The following DAB1 variants were observed in gnomAD, a reference collection of about 807,000 sequenced individuals.
DAB1 encodes the protein disabled homolog 1.
Under a neutral mutation model 64.6 loss-of-function variants are expected in DAB1, and 15 were observed. The observed-to-expected ratio is 0.23, with a 90% CI of 0.16 to 0.36. The LOEUF (loss-of-function observed/expected upper bound fraction) is 0.36, where lower values mean the gene tolerates loss of function less well. Ranked by LOEUF, DAB1 falls within the 10% of genes least tolerant of loss-of-function variation. The pLI, the probability that DAB1 is intolerant of heterozygous loss-of-function variation, is 1.00. For synonymous variants in DAB1, 235 were observed against 251.9 expected, an observed-to-expected ratio of 0.93 and a Z score of 0.64; for missense variants, 596 against 706.7, an observed-to-expected ratio of 0.84 and a Z score of 1.78.
chr1:57,917,129 T>G (rs542547317), intron 5 of DAB1, among the ~76,000 whole-genome samples: 1 of 152,262 alleles, frequency 6.6e-6, no homozygotes, highest in East Asian at 1.9e-4. Flanking sequence ...CTCTCTACAC[T>G]TTCTCCTAAA....
intron 3 of DAB1, among the ~76,000 whole-genome samples, chr1:58,443,526 CA>C (rs1569797808): frequency 6.6e-6 from 1 of 152,104 alleles, no homozygotes; most frequent in African/African-American, 2.4e-5. Flanking sequence ...TGGCAAAATC[CA>C]AATAAAGTCT....
intron 5 of DAB1, among the ~76,000 whole-genome samples, chr1:58,115,978 T>TA (rs1264466907): frequency 1.0e-5 from 1 of 97,266 alleles, no homozygotes; most frequent in Non-Finnish European, 1.8e-5. Flanking sequence ...CCCTAAAACT[T>TA]AGAGTATAAA....
chr1:57,735,609 GT>G (rs59456674), intron 6 of DAB1, among the ~76,000 whole-genome samples: 8,905 of 95,126 alleles, frequency 0.094, 288 homozygotes, highest in East Asian at 0.17. Context: ...CTGTTTGCTT[GT>G]TTTTTTTTTT....
At chr1:58,404,750 AG>A (rs1334939886) in intron 3 of DAB1, among the ~76,000 whole-genome samples, 1 of 152,038 alleles carries the variant, frequency 6.6e-6, no homozygotes, top group African/African-American at 2.4e-5. Context: ...TCCACTGTTA[AG>A]TTCCTCATAT....
intron 7 of DAB1, among the ~76,000 whole-genome samples, chr1:57,578,322 G>C (rs1645274252): frequency 6.6e-6 from 1 of 152,214 alleles, no homozygotes; most frequent in Non-Finnish European, 1.5e-5. Context: ...ATGATTCATA[G>C]CCAGGCCAAA....
At chr1:58,209,172 T>C (rs576744908) in intron 4 of DAB1, among the ~76,000 whole-genome samples, 1 of 152,202 alleles carries the variant, frequency 6.6e-6, no homozygotes, top group Admixed American at 6.5e-5. Context: ...CATTATAGAA[T>C]GTGAGCTGGG....
chr1:58,164,711 T>G (rs977621700), intron 4 of DAB1, among the ~76,000 whole-genome samples: 3 of 152,182 alleles, frequency 2.0e-5, no homozygotes, highest in African/African-American at 7.2e-5. Context: ...GCCTTAGGCC[T>G]GGACACTACC....
chr1:57,879,885 A>ACAG (rs1401294034), intron 1 of DAB1, among the ~76,000 whole-genome samples: 23 of 152,268 alleles, frequency 1.5e-4, no homozygotes, highest in Non-Finnish European at 1.5e-5. Context: ...AACGCAGGGA[A>ACAG]CAGCCCTTCT....
In DAB1 at chr1:57,062,923, C is replaced by T; in HGVS notation, c.684G>A (p.Lys228=). 2 of 1,614,140 alleles carry T rather than the reference C, an allele frequency of 1.2e-6. No individual in the cohort carries two copies. The highest frequency in any genetic ancestry group is 1.7e-6 in the Non-Finnish European group (2 of 1,179,982). ...TTTTTGGCACATCATAAACACCTTC[C>T]TTCTTTTGGCTGGTGGGAACCTATG... ...NIYQVPTSQK[K]EGVYDVPKSQ... The change falls in exon 9 of 15, where the codon AAG becomes AAA. Residue 228 remains lysine (K), a synonymous_variant. Transcript: ENST00000371236.
chr1:57,599,325 A>G (rs1645549063), intron 7 of DAB1, among the ~76,000 whole-genome samples: 1 of 151,894 alleles, frequency 6.6e-6, no homozygotes, highest in African/African-American at 2.4e-5. Flanking sequence ...TCTCTCTCTC[A>G]CAACCCTCTG....
intron 4 of DAB1, among the ~76,000 whole-genome samples, chr1:58,244,261 C>T (rs868642941): frequency 2.6e-5 from 4 of 152,262 alleles, no homozygotes; most frequent in Admixed American, 6.5e-5. Context: ...ATAACAATGA[C>T]GACGACTGTA....
At chr1:57,477,338 G>A (rs951076112) in intron 7 of DAB1, among the ~76,000 whole-genome samples, 1 of 152,096 alleles carries the variant, frequency 6.6e-6, no homozygotes, top group African/African-American at 2.4e-5. Context: ...TGTTTATAGT[G>A]TACTCTGATC....
At chr1:58,074,594 A>ATATATATATATATATT (rs1649526356) in intron 5 of DAB1, among the ~76,000 whole-genome samples, 1 of 112,382 alleles carries the variant, frequency 8.9e-6, no homozygotes, top group Admixed American at 1.0e-4. Flanking sequence ...ATATATATAT[A>ATATATATATATATATT]TTTGAGAAAC....
intron 2 of DAB1, among the ~76,000 whole-genome samples, chr1:57,276,447 T>C (rs896605591): frequency 2.0e-5 from 3 of 152,240 alleles, no homozygotes; most frequent in Non-Finnish European, 4.4e-5. Flanking sequence ...ATTACCTATT[T>C]AACATAGAAT....
intron 1 of DAB1, among the ~76,000 whole-genome samples, chr1:57,413,701 G>A (rs767993909): frequency 3.0e-5 from 4 of 133,592 alleles, no homozygotes; most frequent in South Asian, 2.3e-4. Context: ...CTGAGATCGC[G>A]CCACTGCACT....
chr1:58,242,469 G>C (rs756954786), intron 4 of DAB1, among the ~76,000 whole-genome samples: 28 of 152,072 alleles, frequency 1.8e-4, no homozygotes, highest in Non-Finnish European at 3.8e-4. Context: ...CCAAGGCAGA[G>C]TATATAAAAT....
At chr1:58,401,513 C>T (rs180682226) in intron 3 of DAB1, among the ~76,000 whole-genome samples, 2 of 152,336 alleles carry the variant, frequency 1.3e-5, no homozygotes, top group Admixed American at 1.3e-4. Context: ...TGCTTTTTCT[C>T]TATTTGCATA....
intron 14 of DAB1, among the ~76,000 whole-genome samples, chr1:57,002,328 G>A (rs796265968): frequency 2.6e-5 from 4 of 152,274 alleles, no homozygotes; most frequent in African/African-American, 9.6e-5. Flanking sequence ...ATCTGTAGTT[G>A]AACATGTTGG....
At chr1:57,930,221 T>C (rs1012498028) in intron 5 of DAB1, among the ~76,000 whole-genome samples, 4 of 152,238 alleles carry the variant, frequency 2.6e-5, no homozygotes, top group Non-Finnish European at 4.4e-5. Context: ...ATTTCTGGGC[T>C]TTCTATTCTG....
Sources: gnomAD v4.1 joint callset for allele counts (sites outside exome capture counted in the v4.1 genomes callset) on GRCh38, gnomAD v4.1.1 for gene constraint, MANE v1.5 for transcripts, NCBI Gene and HGNC (gene_info 2026-07-23, HGNC 2026-07-21) for gene names.